MTCL1: variants seen among roughly 807,000 people sequenced by gnomAD.
The protein encoded by MTCL1 is microtubule crosslinking factor 1.
A neutral mutation model predicts 141.4 loss-of-function variants in MTCL1; 79 were observed. The ratio of observed to expected loss-of-function variants is 0.56; its 90% confidence interval spans 0.47 to 0.67. MTCL1 has a LOEUF of 0.67. Among genes scored for constraint, MTCL1 ranks in the 30% least tolerant of loss-of-function variants. The probability of loss-of-function intolerance (pLI) is 0.00; values close to 1 mark genes in which losing one functional copy is unlikely to be tolerated. For synonymous variants in MTCL1, 914 were observed against 875.8 expected (o/e 1.04, Z -0.77); for missense variants, 2,177 against 2,113.9 (o/e 1.03, Z -0.59).
At chr18:8,718,763 A>G in intron 3 of MTCL1, 115 bp downstream of exon 2, 2 of 945,240 alleles carry the variant, frequency 2.1e-6, no homozygotes, top group Non-Finnish European at 3.3e-6. Flanking sequence ...ATTGCAGCAT[A>G]AACAGTCTTG....
intron 4 of MTCL1, among the ~76,000 whole-genome samples, chr18:8,735,914 T>C (rs1004100967): frequency 3.3e-5 from 5 of 152,190 alleles, no homozygotes; most frequent in African/African-American, 1.2e-4. Context: ...TATATATATT[T>C]TTTTTAACCA....
chr18:8,754,256 AG>A (rs1314936515), intron 4 of MTCL1, among the ~76,000 whole-genome samples: 1 of 152,174 alleles, frequency 6.6e-6, no homozygotes, highest in Non-Finnish European at 1.5e-5. Flanking sequence ...ATTTTAATAG[AG>A]ACGGGGTTTC....
intron 10 of MTCL1, 53 bp from the exon 10 acceptor site, chr18:8,806,840 C>A: frequency 6.4e-7 from 1 of 1,573,006 alleles, no homozygotes. Flanking sequence ...CCTCTTCTGA[C>A]CTAAAAAATA....
Position 8,825,610 on chromosome 18 carries a change from G to A in MTCL1, c.4100G>A (p.Ser1367Asn). ...TCGTCTCCTTCCCGGAGCCTTAGGA[G>A]CAGACAGGTGGCCCCTGCCATCGAG... is the stretch of plus-strand genomic sequence containing the variant. Residue 1367 changes from serine to asparagine, a missense_variant, in exon 15 of 17, where the codon AGC (serine) becomes AAC (asparagine). Transcript: ENST00000359865. The A allele has an allele frequency of 1.2e-6, 2 of 1,613,862 alleles. No individual in the cohort carries two copies. The highest frequency in any genetic ancestry group is 1.7e-6 in the Non-Finnish European group (2 of 1,179,996).
chr18:8,784,953 A>G (rs1007439694), intron 6 of MTCL1, 110 bp downstream of exon 5: 21 of 1,013,542 alleles, frequency 2.1e-5, no homozygotes, highest in Middle Eastern at 2.2e-4. Context: ...TTATGATTTC[A>G]AACCTGCATT....
intron 8 of MTCL1, among the ~76,000 whole-genome samples, chr18:8,795,358 C>T (rs1020368829): frequency 6.6e-6 from 1 of 152,172 alleles, no homozygotes; most frequent in Non-Finnish European, 1.5e-5. Context: ...GCATTCGAAC[C>T]TTTTATTGGC....
chr18:8,708,862 C>T (rs1271702499), intron 1 of MTCL1, among the ~76,000 whole-genome samples: 1 of 152,178 alleles, frequency 6.6e-6, no homozygotes, highest in Admixed American at 6.5e-5. Context: ...CTGCCTGAGG[C>T]CACCTCCCCA....
intron 8 of MTCL1, among the ~76,000 whole-genome samples, chr18:8,793,760 C>T (rs938769135): frequency 7.2e-5 from 11 of 152,206 alleles, no homozygotes; most frequent in East Asian, 5.8e-4. Context: ...GCTCTTCCCC[C>T]GTGTATTTGT....
At chr18:8,789,305 G>A (rs1170202970) in intron 7 of MTCL1, 1 of 554,298 alleles carries the variant, frequency 1.8e-6, no homozygotes, top group African/African-American at 2.0e-5. Flanking sequence ...TTTGAAATAA[G>A]TGGTTGCAAA....
intron 4 of MTCL1, among the ~76,000 whole-genome samples, chr18:8,768,789 C>CTTTTTT (rs773958752): frequency 8.5e-5 from 10 of 117,870 alleles, no homozygotes; most frequent in Non-Finnish European, 1.2e-4. Context: ...CTTTTCTTCT[C>CTTTTTT]TTTTTTTTTT....
intron 11 of MTCL1, chr18:8,809,360 GC>G (rs2076403524): frequency 6.8e-7 from 1 of 1,473,296 alleles, no homozygotes; most frequent in South Asian, 1.3e-5. Flanking sequence ...TAGGCAACAA[GC>G]CCAACAGAAA....
At chr18:8,806,644 G>C (rs906019642) in intron 10 of MTCL1, among the ~76,000 whole-genome samples, 1 of 152,090 alleles carries the variant, frequency 6.6e-6, no homozygotes, top group Non-Finnish European at 1.5e-5. Context: ...GGTCACCAGG[G>C]CAGCCTTCCT....
At chr18:8,713,134 T>G (rs1249084360), upstream of MTCL1, among the ~76,000 whole-genome samples, 3 of 152,182 alleles carry the variant, frequency 2.0e-5, no homozygotes. Context: ...TCCTCTAATT[T>G]GAGATACATG....
At chr18:8,793,118 A>G (rs775460109) in exon 8 of MTCL1, 2 of 1,613,566 alleles carry the variant, frequency 1.2e-6, no homozygotes, top group East Asian at 4.5e-5. Context: ...CAAGATCCAT[A>G]AGGTAAATAT....
At chr18:8,831,206 C>G in intron 16 of MTCL1, 1 of 1,013,056 alleles carries the variant, frequency 9.9e-7, no homozygotes, top group East Asian at 9.7e-5. Context: ...GTTCACTTGT[C>G]CACTGTAGCT....
intron 16 of MTCL1, chr18:8,829,103 G>A (rs2077117468): frequency 9.2e-6 from 14 of 1,521,846 alleles, no homozygotes; most frequent in Admixed American, 8.3e-5. Flanking sequence ...CAGGAGGTTC[G>A]CCTAAACCCA....
Position 8,824,678 on chromosome 18 carries a change from C to G in MTCL1, c.3189-21C>G, listed in dbSNP as rs114016604. ...GAGGCTCCCTGGCAGGTACTGACAC[C>G]CTCTTTTCTGCTTTTCCCAGGGCGG... On this transcript the variant is annotated intron_variant, in intron 14 of 16. Coordinates refer to ENST00000359865, the Ensembl canonical transcript of MTCL1. 4.7e-5 allele frequency: 74 copies of G among 1,587,652 alleles called. No individual in the cohort carries two copies. In the East Asian group the frequency reaches 1.6e-3, roughly 34 times the overall value.
At chr18:8,706,737 T>C (rs1167440776) in intron 1 of MTCL1, 24 bp downstream of exon 1, 1 of 1,542,788 alleles carries the variant, frequency 6.5e-7, no homozygotes, top group South Asian at 1.2e-5. Context: ...CGGCCGCAGG[T>C]GTCCCGGGGC....
chr18:8,789,725 A>G, intron 7 of MTCL1: 1 of 985,186 alleles, frequency 1.0e-6, no homozygotes, highest in South Asian at 4.7e-5. Flanking sequence ...AATCCTAGGT[A>G]AGTGAACAAA....
Sources: gnomAD v4.1 joint callset for allele counts (sites outside exome capture counted in the v4.1 genomes callset) on GRCh38, gnomAD v4.1.1 for gene constraint, MANE v1.5 for transcripts, NCBI Gene and HGNC (gene_info 2026-07-23, HGNC 2026-07-21) for gene names.